Variants in CMIP observed in about 807,000 individuals in gnomAD.
CMIP encodes C-Maf-inducing protein.
CMIP carries 13 observed loss-of-function variants against 97.3 expected under a neutral mutation model. The observed-to-expected ratio is 0.13, with a 90% CI of 0.09 to 0.21. CMIP has a LOEUF of 0.21. Among genes scored for constraint, CMIP ranks in the 10% least tolerant of loss-of-function variants. CMIP has a pLI of 1.00. For missense variants in CMIP, 847 were observed against 1,024.9 expected (o/e 0.83, Z 2.37); for synonymous variants, 538 against 436.3 (o/e 1.23, Z -2.91).
At chr16:81,544,753 G>A (rs1030343402) in intron 1 of CMIP, among the ~76,000 whole-genome samples, 2 of 151,888 alleles carry the variant, frequency 1.3e-5, no homozygotes, top group Non-Finnish European at 2.9e-5. Context: ...GCGTGTATTT[G>A]TGTATGTGTG....
At chr16:81,548,130 C>CTTTT (rs11351275) in intron 1 of CMIP, among the ~76,000 whole-genome samples, 5 of 111,744 alleles carry the variant, frequency 4.5e-5, no homozygotes, top group African/African-American at 1.1e-4. Flanking sequence ...GGATGGATCA[C>CTTTT]TTTTTTTTTT....
intron 1 of CMIP, among the ~76,000 whole-genome samples, chr16:81,554,968 G>A (rs745482525): frequency 3.3e-5 from 5 of 152,160 alleles, no homozygotes; most frequent in Non-Finnish European, 7.4e-5. Context: ...CCCAGAAGGG[G>A]GGGTTTTTCC....
chr16:81,602,218 A>C (rs996807456), intron 1 of CMIP, among the ~76,000 whole-genome samples: 21 of 152,184 alleles, frequency 1.4e-4, no homozygotes, highest in African/African-American at 4.6e-4. Flanking sequence ...CTTGCCATTC[A>C]GAGCAGGGAC....
At chr16:81,557,930 C>G (rs2090798843) in intron 1 of CMIP, among the ~76,000 whole-genome samples, 1 of 152,336 alleles carries the variant, frequency 6.6e-6, no homozygotes, top group African/African-American at 2.4e-5. Context: ...GACTCTGTCC[C>G]TGTTAAACAC....
intron 3 of CMIP, chr16:81,630,167 A>G (rs2092135378): frequency 6.6e-6 from 1 of 152,374 alleles, no homozygotes; most frequent in African/African-American, 2.4e-5. Flanking sequence ...TACGGGGATT[A>G]AATGGGTTCA....
At chr16:81,666,270 G>A (rs557045637) in intron 7 of CMIP, 1 of 152,278 alleles carries the variant, frequency 6.6e-6, no homozygotes, top group Admixed American at 6.5e-5. Context: ...TTCTTGCGAA[G>A]GACCTTAACT....
intron 10 of CMIP, among the ~76,000 whole-genome samples, chr16:81,689,135 T>C (rs557298048): frequency 6.6e-6 from 1 of 152,378 alleles, no homozygotes; most frequent in Admixed American, 6.5e-5. Context: ...CATGTGTCTT[T>C]ATAGCAGCGT....
At chr16:81,647,385 G>A (rs909129038) in intron 3 of CMIP, among the ~76,000 whole-genome samples, 1 of 152,178 alleles carries the variant, frequency 6.6e-6, no homozygotes, top group African/African-American at 2.4e-5. Context: ...CCTACAGTTT[G>A]TGAGACCATT....
chr16:81,592,905 G>T (rs987161668), intron 1 of CMIP, among the ~76,000 whole-genome samples: 3 of 152,212 alleles, frequency 2.0e-5, no homozygotes, highest in Non-Finnish European at 4.4e-5. Context: ...AGTTGGAAAT[G>T]ATGCTGACTT....
chr16:81,675,870 C>A (rs1028004223), intron 9 of CMIP, among the ~76,000 whole-genome samples: 2 of 152,206 alleles, frequency 1.3e-5, no homozygotes, highest in African/African-American at 4.8e-5. Context: ...GGGGCGGGGC[C>A]TGAGACTCTG....
chr16:81,548,323 G>T (rs368936278), intron 1 of CMIP, among the ~76,000 whole-genome samples: 2 of 151,990 alleles, frequency 1.3e-5, no homozygotes, highest in African/African-American at 2.4e-5. Flanking sequence ...TTGTAGAGAT[G>T]GGGTCTCGTT....
chr16:81,592,574 C>T (rs2091482185), intron 1 of CMIP, among the ~76,000 whole-genome samples: 1 of 152,210 alleles, frequency 6.6e-6, no homozygotes, highest in Non-Finnish European at 1.5e-5. Context: ...TTACTTTGCA[C>T]CCTCCGCTCA....
intron 1 of CMIP, among the ~76,000 whole-genome samples, chr16:81,506,916 A>AG (rs1317223330): frequency 1.7e-4 from 26 of 151,364 alleles, no homozygotes; most frequent in African/African-American, 6.3e-4. Context: ...AAAAAAAAAA[A>AG]AAAAAGAAAT....
intron 1 of CMIP, among the ~76,000 whole-genome samples, chr16:81,552,490 T>A (rs754083199): frequency 7.9e-5 from 12 of 152,176 alleles, no homozygotes; most frequent in Admixed American, 4.6e-4. Flanking sequence ...TCTCTTCCCA[T>A]GCCTTTTTCA....
At chr16:81,541,819 T>C (rs1348566584) in intron 1 of CMIP, among the ~76,000 whole-genome samples, 2 of 152,214 alleles carry the variant, frequency 1.3e-5, no homozygotes, top group Non-Finnish European at 2.9e-5. Flanking sequence ...GGCATGCGTT[T>C]ATGTGAAAAC....
At chr16:81,642,850 C>T (rs929197890) in intron 3 of CMIP, among the ~76,000 whole-genome samples, 4 of 152,060 alleles carry the variant, frequency 2.6e-5, no homozygotes, top group East Asian at 1.9e-4. Flanking sequence ...GAGTTGAGAT[C>T]GCACCACTGC....
At chr16:81,515,943 A>G (rs1271705339) in intron 1 of CMIP, among the ~76,000 whole-genome samples, 2 of 152,160 alleles carry the variant, frequency 1.3e-5, no homozygotes, top group African/African-American at 2.4e-5. Flanking sequence ...TCCAGCTCCC[A>G]CTGGACGGAC....
At chr16:81,629,245 C>T (rs537074899) in intron 3 of CMIP, among the ~76,000 whole-genome samples, 2 of 151,262 alleles carry the variant, frequency 1.3e-5, no homozygotes, top group Non-Finnish European at 2.9e-5. Flanking sequence ...CTGTCTTGCA[C>T]GTCATCAGCA....
intron 7 of CMIP, among the ~76,000 whole-genome samples, chr16:81,668,324 C>T (rs948348473): frequency 1.3e-5 from 2 of 152,164 alleles, no homozygotes; most frequent in Admixed American, 6.5e-5. Context: ...CTCCGCAGCC[C>T]TGGCCACGAC....
Sources: gnomAD v4.1 joint callset for allele counts (sites outside exome capture counted in the v4.1 genomes callset) on GRCh38, gnomAD v4.1.1 for gene constraint, MANE v1.5 for transcripts, NCBI Gene and HGNC (gene_info 2026-07-23, HGNC 2026-07-21) for gene names.